The following DYNC2I2 variants were observed in gnomAD, a reference collection of about 807,000 sequenced individuals.
The protein encoded by DYNC2I2 is cytoplasmic dynein 2 intermediate chain 2.
Under a neutral mutation model 52.0 loss-of-function variants are expected in DYNC2I2, and 39 were observed. That is an observed-to-expected ratio of 0.75 (90% confidence interval 0.58 to 0.98). The LOEUF (loss-of-function observed/expected upper bound fraction) is 0.98. DYNC2I2 is among the 50% of genes least tolerant of loss of function. The pLI is 0.00. For synonymous variants in DYNC2I2, 359 were observed against 321.1 expected (o/e 1.12, Z -1.26); for missense variants, 743 against 728.4 (o/e 1.02, Z -0.23).
the DYNC2I2 span, among the ~76,000 whole-genome samples, chr9:128,668,290 G>A: frequency 7.1e-5 from 10 of 140,262 alleles, no homozygotes; most frequent in Admixed American, 2.2e-4. Flanking sequence ...TAATCTGCCC[G>A]CCTCCGCCTC....
chr9:128,669,886 G>T, the DYNC2I2 span, among the ~76,000 whole-genome samples: 1 of 152,094 alleles, frequency 6.6e-6, no homozygotes, highest in Non-Finnish European at 1.5e-5. Flanking sequence ...TCACTATGTT[G>T]CTGAGCCAGG....
chr9:128,633,936 T>C lies in DYNC2I2; in HGVS notation c.1419A>G (p.Thr473=). The C allele has an allele frequency of 6.2e-7, 1 of 1,612,958 alleles. No homozygotes were observed. Among genetic ancestry groups the C allele is most frequent in the Non-Finnish European group, 8.5e-7 (1 of 1,179,880 alleles). Residue 473 remains threonine (T), a synonymous_variant, in exon 9 of 9, where the codon ACA becomes ACG. Coordinates refer to ENST00000372715, the MANE Select transcript of DYNC2I2 (RefSeq NM_052844.4). The part of the protein sequence containing the change: ...FDLQKSSQKP[T]VLIKQTQDES... ...CATCCTGGGTTTGCTTGATCAAAAC[T>C]GTGGGTTTCTGGGAGCTTTTCTGGA...
upstream of DYNC2I2, among the ~76,000 whole-genome samples, chr9:128,660,032 C>A: frequency 6.8e-6 from 1 of 147,140 alleles, no homozygotes. Context: ...GCGCCACTGT[C>A]TTCCAGCATG....
At chr9:128,636,229 G>A (rs780987184) in intron 4 of DYNC2I2, 52 bp downstream of exon 4, 4 of 1,550,912 alleles carry the variant, frequency 2.6e-6, no homozygotes, top group Non-Finnish European at 3.5e-6. Flanking sequence ...CCTCTGCAGG[G>A]CGGGAAGCTG....
chr9:128,665,732 T>C, the DYNC2I2 span, among the ~76,000 whole-genome samples: 1 of 138,336 alleles, frequency 7.2e-6, no homozygotes, highest in Non-Finnish European at 1.5e-5. Flanking sequence ...ATTGCACCAC[T>C]ATACTCCGGC....
chr9:128,649,948 G>A (rs564405195), intron 1 of DYNC2I2, among the ~76,000 whole-genome samples: 2 of 56,160 alleles, frequency 3.6e-5, no homozygotes, highest in East Asian at 5.7e-4. Context: ...AGCTGAGATC[G>A]CGCCATTGCA....
rs2132176321 is a variant in DYNC2I2 at position 128,650,910 on chromosome 9, C to T, written c.186+5631G>A. On this transcript the variant is annotated intron_variant, in intron 1 of 8. Coordinates refer to ENST00000372715, the MANE Select transcript of DYNC2I2 (RefSeq NM_052844.4). Reference sequence around the variant, plus strand: ...AGCAGTGGCGCAGTAGTCACCATGACGGCTAAGGGGCTGGGTGCGGTTCTG... The same window carrying T: ...AGCAGTGGCGCAGTAGTCACCATGATGGCTAAGGGGCTGGGTGCGGTTCTG... The T allele has an allele frequency of 1.4e-4, 8 of 58,662 alleles. 4 individuals are homozygous for T. Among genetic ancestry groups the T allele is most frequent in the African/African-American group, 2.7e-4 (8 of 29,558 alleles). The allele number at this position is 58,662 out of a possible 1,614,324, so 3.6% of individuals were successfully genotyped here. A position where few individuals can be genotyped will look rare whatever the true frequency, so the allele number is the denominator to read the frequency against.
the DYNC2I2 span, among the ~76,000 whole-genome samples, chr9:128,666,279 G>A: frequency 6.6e-6 from 1 of 151,312 alleles, no homozygotes; most frequent in Non-Finnish European, 1.5e-5. Context: ...CTATTTGGGA[G>A]GCTGAGGCAT....
At chr9:128,654,281 C>T (rs1269527459) in intron 1 of DYNC2I2, among the ~76,000 whole-genome samples, 2 of 152,110 alleles carry the variant, frequency 1.3e-5, no homozygotes, top group East Asian at 3.9e-4. Context: ...TTCATGGAAA[C>T]CTCACTGGCC....
chr9:128,675,252 A>G, the DYNC2I2 span, among the ~76,000 whole-genome samples: 1 of 151,970 alleles, frequency 6.6e-6, no homozygotes, highest in Non-Finnish European at 1.5e-5. Context: ...ATCTCAGCTC[A>G]TTGCAACCTC....
intron 1 of DYNC2I2, among the ~76,000 whole-genome samples, chr9:128,644,274 CCT>C (rs1860571748): frequency 1.3e-4 from 1 of 7,862 alleles, no homozygotes; most frequent in South Asian, 0.011. Context: ...ACCCAGGCGG[CCT>C]TTTTTTTTTT....
chr9:128,639,075 C>T (rs1351637717), intron 2 of DYNC2I2, among the ~76,000 whole-genome samples: 1 of 151,704 alleles, frequency 6.6e-6, no homozygotes, highest in African/African-American at 2.4e-5. Flanking sequence ...TGAACTACAG[C>T]CTGGGCAACA....
chr9:128,673,747 C>G, the DYNC2I2 span, among the ~76,000 whole-genome samples: 1 of 151,562 alleles, frequency 6.6e-6, no homozygotes, highest in African/African-American at 2.4e-5. Context: ...ACCTCGTGAT[C>G]CGCCCCCCTA....
chr9:128,659,581 CAT>C (rs1860895118), upstream of DYNC2I2, among the ~76,000 whole-genome samples: 1 of 150,564 alleles, frequency 6.6e-6, no homozygotes, highest in Admixed American at 6.6e-5. Context: ...GCCTGGGAAA[CAT>C]AGGGACACCT....
Position 128,640,675 on chromosome 9 carries a change from C to T in DYNC2I2, c.435+16G>A. 6.8e-6 allele frequency: 11 copies of T among 1,609,356 alleles called. No homozygotes were observed. Among genetic ancestry groups the T allele is most frequent in the South Asian group, 4.4e-5 (4 of 90,896 alleles). ...GGCAGGGGCTCGACCCGAGGCTGCA[C>T]CAGCCCATCCCCTACCATCTGCTGC... On this transcript the variant is annotated intron_variant, in intron 2 of 8. Coordinates refer to ENST00000372715, the MANE Select transcript of DYNC2I2 (RefSeq NM_052844.4).
At chr9:128,645,966 G>A (rs115990399) in intron 1 of DYNC2I2, among the ~76,000 whole-genome samples, 2,689 of 152,268 alleles carry the variant, frequency 0.018, 77 homozygotes, top group African/African-American at 0.061. Flanking sequence ...CCATAACCCA[G>A]AGCAAGGCCC....
At chr9:128,644,630 A>T (rs1307524439) in intron 1 of DYNC2I2, among the ~76,000 whole-genome samples, 1 of 152,074 alleles carries the variant, frequency 6.6e-6, no homozygotes, top group Non-Finnish European at 1.5e-5. Context: ...ACTGCATCTC[A>T]GCCACGGTGC....
In DYNC2I2 at chr9:128,633,910, T is replaced by TA; in HGVS notation, c.1444_1445insT (p.Glu482ValfsTer44). ...GAACTCCAGACAGTAGACAGGGCTT[T>TA]CATCCTGGGTTTGCTTGATCAAAAC... On this transcript the variant is annotated frameshift_variant, in exon 9 of 9. Transcript: ENST00000372715. LOFTEE classifies it high-confidence loss of function. 6.2e-7 allele frequency: 1 copy of TA among 1,613,338 alleles called. No individual in the cohort carries two copies. Among genetic ancestry groups the TA allele is most frequent in the Non-Finnish European group, 8.5e-7 (1 of 1,180,034 alleles).
intron 1 of DYNC2I2, among the ~76,000 whole-genome samples, chr9:128,649,394 G>A (rs538342680): frequency 2.0e-5 from 3 of 152,076 alleles, no homozygotes; most frequent in South Asian, 4.1e-4. Context: ...CGTGAGCTAC[G>A]ATCACATCAC....
Sources: allele counts gnomAD v4.1 joint callset (sites outside exome capture counted in the v4.1 genomes callset), GRCh38; gene constraint gnomAD v4.1.1; transcripts MANE v1.5; gene names NCBI Gene and HGNC (gene_info 2026-07-23, HGNC 2026-07-21).